The following RBFOX1 variants were observed in gnomAD, a reference collection of about 807,000 sequenced individuals.
RBFOX1 encodes the protein RNA binding fox-1 homolog 1, also known as RNA binding protein fox-1 homolog 1.
A neutral mutation model predicts 57.7 loss-of-function variants in RBFOX1; 8 were observed. That is an observed-to-expected ratio of 0.14 (90% CI 0.08 to 0.25). The LOEUF (loss-of-function observed/expected upper bound fraction) is 0.25, where lower values mean the gene tolerates loss of function less well. Ranked by LOEUF, RBFOX1 falls within the 10% of genes least tolerant of loss-of-function variation. The probability of loss-of-function intolerance (pLI) is 1.00; values close to 1 mark genes in which losing one functional copy is unlikely to be tolerated. For missense variants in RBFOX1, 611 were observed against 548.5 expected, an observed-to-expected ratio of 1.11 and a Z score of -1.14; for synonymous variants, 326 against 222.4, an observed-to-expected ratio of 1.47 and a Z score of -4.15.
chr16:7,099,776 G>A (rs998791703), intron 4 of RBFOX1, among the ~76,000 whole-genome samples: 1 of 152,186 alleles, frequency 6.6e-6, no homozygotes, highest in African/African-American at 2.4e-5. Flanking sequence ...ATTCTGATGG[G>A]CAAGTGGTTC....
chr16:7,567,448 C>A (rs149149121), intron 5 of RBFOX1, among the ~76,000 whole-genome samples: 1 of 61,298 alleles, frequency 1.6e-5, no homozygotes, highest in African/African-American at 6.7e-5. Context: ...TATATATATC[C>A]CTATGTATGG....
intron 4 of RBFOX1, among the ~76,000 whole-genome samples, chr16:7,333,818 T>G (rs1315980670): frequency 6.6e-6 from 1 of 152,100 alleles, no homozygotes; most frequent in Non-Finnish European, 1.5e-5. Context: ...GGTATTGCCT[T>G]CCGCGTTTAT....
intron 3 of RBFOX1, among the ~76,000 whole-genome samples, chr16:6,748,410 C>A (rs2074232952): frequency 6.6e-6 from 1 of 152,094 alleles, no homozygotes; most frequent in South Asian, 2.1e-4. Context: ...CCTATAATCC[C>A]AACACTTTGG....
intron 2 of RBFOX1, among the ~76,000 whole-genome samples, chr16:6,408,548 C>G (rs375498382): frequency 6.6e-6 from 1 of 152,062 alleles, no homozygotes. Context: ...CTTTTCAGAG[C>G]GTTATTGATG....
chr16:6,999,366 A>G (rs2092588805), intron 3 of RBFOX1, among the ~76,000 whole-genome samples: 2 of 151,302 alleles, frequency 1.3e-5, no homozygotes. Context: ...CAGGAGCTAC[A>G]TTTTTACTCC....
At chr16:7,681,261 A>C (rs1338816295) in intron 14 of RBFOX1, among the ~76,000 whole-genome samples, 1 of 152,172 alleles carries the variant, frequency 6.6e-6, no homozygotes, top group Non-Finnish European at 1.5e-5. Flanking sequence ...AGATAAATCG[A>C]TACATAGGTG....
intron 7 of RBFOX1, among the ~76,000 whole-genome samples, chr16:7,593,281 C>T (rs1243102674): frequency 1.3e-5 from 2 of 152,160 alleles, no homozygotes; most frequent in Non-Finnish European, 2.9e-5. Context: ...TTAATGTCCT[C>T]CCAAGTTCCT....
chr16:6,643,304 C>G (rs1174815807), intron 2 of RBFOX1, among the ~76,000 whole-genome samples: 1 of 152,178 alleles, frequency 6.6e-6, no homozygotes, highest in African/African-American at 2.4e-5. Flanking sequence ...ATTGCAGGTG[C>G]TGAGCTAATT....
chr16:6,210,120 C>T (rs944614311), intron 1 of RBFOX1, among the ~76,000 whole-genome samples: 1 of 151,516 alleles, frequency 6.6e-6, no homozygotes, highest in Admixed American at 6.6e-5. Context: ...GAGTTCGAGA[C>T]CAGCCTGGCC....
At chr16:5,909,988 G>A (rs1346582606) in intron 4 of RBFOX1, among the ~76,000 whole-genome samples, 1 of 152,088 alleles carries the variant, frequency 6.6e-6, no homozygotes, top group Admixed American at 6.6e-5. Context: ...GGGAGGCGGA[G>A]GTTGCAGTGA....
chr16:6,170,506 G>C (rs2096952345), intron 1 of RBFOX1, among the ~76,000 whole-genome samples: 1 of 152,166 alleles, frequency 6.6e-6, no homozygotes, highest in African/African-American at 2.4e-5. Context: ...AGCATTTGTT[G>C]ATTGTATTCC....
chr16:7,017,516 T>G (rs1410119415), intron 3 of RBFOX1, among the ~76,000 whole-genome samples: 3 of 152,154 alleles, frequency 2.0e-5, no homozygotes, highest in Admixed American at 2.0e-4. Context: ...CTCAGGAGTC[T>G]GCGTTTGGAA....
intron 1 of RBFOX1, among the ~76,000 whole-genome samples, chr16:6,230,823 A>T (rs1198535909): frequency 6.6e-6 from 1 of 152,362 alleles, no homozygotes; most frequent in South Asian, 2.1e-4. Flanking sequence ...GAGATGGAAT[A>T]GAAATGCTAA....
chr16:7,168,945 T>A (rs986244052), intron 4 of RBFOX1, among the ~76,000 whole-genome samples: 6 of 152,228 alleles, frequency 3.9e-5, no homozygotes, highest in Non-Finnish European at 8.8e-5. Context: ...GTGATGTCCT[T>A]CCTTGGATGA....
At chr16:5,837,978 G>C (rs1432675992) in intron 3 of RBFOX1, among the ~76,000 whole-genome samples, 2 of 152,144 alleles carry the variant, frequency 1.3e-5, no homozygotes, top group Non-Finnish European at 2.9e-5. Flanking sequence ...CAGCATTCTG[G>C]ATGTCTGTGG....
At chr16:5,578,969 T>G (rs1183239512) in intron 2 of RBFOX1, among the ~76,000 whole-genome samples, 1 of 151,460 alleles carries the variant, frequency 6.6e-6, no homozygotes, top group East Asian at 2.0e-4. Context: ...TGCCTCAGCC[T>G]TCTGAGTAGC....
intron 2 of RBFOX1, among the ~76,000 whole-genome samples, chr16:6,560,174 CAAAAA>C (rs5815323): frequency 0.012 from 1,468 of 121,472 alleles, 18 homozygotes; most frequent in African/African-American, 0.038. Flanking sequence ...TGCCATTTAT[CAAAAA>C]AAAAAAAAAA....
intron 14 of RBFOX1, among the ~76,000 whole-genome samples, chr16:7,704,229 A>G (rs960946535): frequency 3.9e-5 from 6 of 152,180 alleles, no homozygotes; most frequent in Non-Finnish European, 7.4e-5. Flanking sequence ...TTGTTGCTAA[A>G]GGTCAAAAAG....
At chr16:6,631,255 A>T (rs868096127) in intron 2 of RBFOX1, among the ~76,000 whole-genome samples, 2 of 152,092 alleles carry the variant, frequency 1.3e-5, no homozygotes, top group Admixed American at 6.5e-5. Context: ...AAGTAAAGGG[A>T]TGGAATAAAA....
Sources: gnomAD v4.1 joint callset for allele counts (sites outside exome capture counted in the v4.1 genomes callset) on GRCh38, gnomAD v4.1.1 for gene constraint, MANE v1.5 for transcripts, NCBI Gene and HGNC (gene_info 2026-07-23, HGNC 2026-07-21) for gene names.